Variants in ADCK1 observed in about 807,000 individuals in gnomAD.
ADCK1 encodes the protein aarF domain-containing protein kinase 1.
A neutral mutation model predicts 52.3 loss-of-function variants in ADCK1; 41 were observed. The observed-to-expected ratio is 0.78, with a 90% CI of 0.61 to 1.02. The LOEUF (loss-of-function observed/expected upper bound fraction) is 1.02, where lower values mean the gene tolerates loss of function less well. Among genes scored for constraint, ADCK1 ranks in the 50% least tolerant of loss-of-function variants. The pLI, the probability that ADCK1 is intolerant of heterozygous loss-of-function variation, is 0.00. For missense variants in ADCK1, 658 were observed against 679.5 expected, an observed-to-expected ratio of 0.97 and a Z score of 0.35; for synonymous variants, 250 against 274.6, an observed-to-expected ratio of 0.91 and a Z score of 0.89.
chr14:77,804,423 A>G (rs557345545), intron 1 of ADCK1, among the ~76,000 whole-genome samples: 2 of 152,236 alleles, frequency 1.3e-5, no homozygotes, highest in South Asian at 4.2e-4. Flanking sequence ...ATGTATTTCA[A>G]TTTCCATCTC....
intron 5 of ADCK1, among the ~76,000 whole-genome samples, chr14:77,893,603 A>G (rs1478640582): frequency 6.6e-6 from 1 of 151,936 alleles, no homozygotes; most frequent in African/African-American, 2.4e-5. Context: ...AATCTGATCT[A>G]TTGCTTGATG....
intron 3 of ADCK1, among the ~76,000 whole-genome samples, chr14:77,825,419 A>G (rs1224875261): frequency 3.3e-5 from 5 of 152,098 alleles, no homozygotes; most frequent in African/African-American, 1.2e-4. Context: ...GTCATTAGAG[A>G]TGGTTATGCC....
intron 3 of ADCK1, among the ~76,000 whole-genome samples, chr14:77,840,884 G>T (rs1289361246): frequency 7.2e-6 from 1 of 139,062 alleles, no homozygotes; most frequent in Admixed American, 7.2e-5. Flanking sequence ...GGGAGAGAAG[G>T]GAAGGGGAGA....
intron 2 of ADCK1, among the ~76,000 whole-genome samples, chr14:77,819,762 G>A (rs1201032570): frequency 6.6e-6 from 1 of 152,234 alleles, no homozygotes; most frequent in African/African-American, 2.4e-5. Flanking sequence ...TCCCATTGGT[G>A]GGTAGATGGC....
At chr14:77,851,713 C>G (rs1263382038) in intron 3 of ADCK1, among the ~76,000 whole-genome samples, 1 of 152,052 alleles carries the variant, frequency 6.6e-6, no homozygotes, top group African/African-American at 2.4e-5. Context: ...TATAGTACTT[C>G]AAAGAGTATA....
intron 3 of ADCK1, among the ~76,000 whole-genome samples, chr14:77,857,416 A>G (rs2082442239): frequency 6.6e-6 from 1 of 152,162 alleles, no homozygotes; most frequent in Non-Finnish European, 1.5e-5. Flanking sequence ...CCTGAGTACA[A>G]TACAGTTTTC....
At chr14:77,924,683 C>G in intron 8 of ADCK1, 77 bp downstream of exon 8, 1 of 1,567,474 alleles carries the variant, frequency 6.4e-7, no homozygotes, top group Non-Finnish European at 8.6e-7. Flanking sequence ...AGCTGCAGAA[C>G]CGGGAGGGAG....
chr14:77,855,351 T>C (rs2082395943), intron 3 of ADCK1, among the ~76,000 whole-genome samples: 1 of 152,262 alleles, frequency 6.6e-6, no homozygotes, highest in Non-Finnish European at 1.5e-5. Flanking sequence ...GTACTATTAT[T>C]ATCTTACTTT....
intron 4 of ADCK1, 31 bp downstream of exon 4, chr14:77,859,310 G>C: frequency 6.3e-7 from 1 of 1,596,124 alleles, no homozygotes; most frequent in Non-Finnish European, 8.6e-7. Flanking sequence ...GATGGGCCTT[G>C]GTTGGGATGC....
Position 77,925,910 on chromosome 14 carries a change from G to A in ADCK1, c.1155G>A (p.Ser385=), listed in dbSNP as rs374169166. Residue 385 remains serine (S), a synonymous_variant, in exon 9 of 11, where the codon TCG becomes TCA. Coordinates refer to ENST00000238561, the MANE Select transcript of ADCK1 (RefSeq NM_020421.4). ...PLFACMLTAR[S]WDSVNRGISQ... is the part of the protein sequence containing the mutation. Reference sequence around the variant, plus strand: ...TTGCCTGCATGCTGACGGCGCGATCGTGGGACTCGGTCAACAGAGGCATCA... The same window carrying A: ...TTGCCTGCATGCTGACGGCGCGATCATGGGACTCGGTCAACAGAGGCATCA... 1.1e-4 allele frequency: 176 copies of A among 1,614,078 alleles called. No homozygotes were observed. The highest frequency in any genetic ancestry group is 1.6e-4 in the Middle Eastern group (1 of 6,082).
At chr14:77,833,943 A>G (rs2081909293) in intron 3 of ADCK1, among the ~76,000 whole-genome samples, 1 of 152,202 alleles carries the variant, frequency 6.6e-6, no homozygotes, top group African/African-American at 2.4e-5. Flanking sequence ...AATGTGTAAT[A>G]TTTAAGACCT....
At position 77,889,117 on chromosome 14, in the gene ADCK1, C is replaced by T. The variant is rs553212282; in HGVS notation, c.582+1868C>T. On this transcript the variant is annotated intron_variant, in intron 5 of 10. Transcript: ENST00000238561. Reference sequence around the variant, plus strand: ...CATGTAAGATGTGCCTTTGCTTCTCCTTGGCCTTCTGCCATGATTGTGAGG... The same window carrying T: ...CATGTAAGATGTGCCTTTGCTTCTCTTTGGCCTTCTGCCATGATTGTGAGG... Among the ~76,000 whole-genome samples, 19 of 152,354 alleles carry T rather than the reference C, an allele frequency of 1.2e-4. 1 individual carries two copies. In the East Asian group the frequency reaches 3.7e-3, roughly 29 times the overall value.
intron 7 of ADCK1, among the ~76,000 whole-genome samples, chr14:77,909,413 G>A (rs1405515140): frequency 6.6e-6 from 1 of 152,156 alleles, no homozygotes; most frequent in Admixed American, 6.5e-5. Flanking sequence ...GGGATTACAG[G>A]CGTGAGCCAC....
intron 1 of ADCK1, among the ~76,000 whole-genome samples, chr14:77,807,099 C>G (rs1364241652): frequency 1.9e-5 from 2 of 106,390 alleles, no homozygotes; most frequent in Non-Finnish European, 3.4e-5. Flanking sequence ...GACGGAGTCT[C>G]GCTCTGTCGC....
intron 3 of ADCK1, among the ~76,000 whole-genome samples, chr14:77,844,072 C>CT (rs1216214818): frequency 1.2e-3 from 178 of 149,734 alleles, no homozygotes; most frequent in Non-Finnish European, 2.1e-3. Flanking sequence ...TTCTTTTTTT[C>CT]TTTTTTTTTT....
chr14:77,889,816 A>G (rs1027880283), intron 5 of ADCK1, among the ~76,000 whole-genome samples: 7 of 149,918 alleles, frequency 4.7e-5, no homozygotes, highest in African/African-American at 1.7e-4. Flanking sequence ...TTCAGCATGT[A>G]TGAGTAAAGA....
rs2082314936 is a variant in ADCK1, at chr14:77,852,667, A to ATATATATATTTATATATATATATATATAT, written c.220-6400_220-6399insTTATATATATATATATATATTATATATAT. On this transcript the variant is annotated intron_variant, in intron 3 of 10. Transcript: ENST00000238561. ...TATTTCTTTAAATAAATAAATATAT[A>ATATATATATTTATATATATATATATATAT]TATATATATATATATATATATATAT... Among the ~76,000 whole-genome samples, 11 of 6,234 alleles carry ATATATATATTTATATATATATATATATAT rather than the reference A, an allele frequency of 1.8e-3. No individual in the cohort carries two copies. In the South Asian group the frequency reaches 0.06, roughly 34 times the overall value. 4.1% of individuals were successfully genotyped at this position (6,234 alleles called of 152,430 possible).
intron 4 of ADCK1, among the ~76,000 whole-genome samples, chr14:77,864,128 G>GC (rs2082612524): frequency 1.3e-5 from 2 of 152,164 alleles, no homozygotes; most frequent in South Asian, 4.1e-4. Context: ...AGCGTATGCT[G>GC]CAGGTGCTCT....
intron 1 of ADCK1, among the ~76,000 whole-genome samples, chr14:77,818,522 T>A (rs1353384307): frequency 6.6e-6 from 1 of 152,178 alleles, no homozygotes; most frequent in Non-Finnish European, 1.5e-5. Flanking sequence ...ACTCGAGTGA[T>A]CTGCACACCT....
Sources: allele counts gnomAD v4.1 joint callset (sites outside exome capture counted in the v4.1 genomes callset), GRCh38; gene constraint gnomAD v4.1.1; transcripts MANE v1.5; gene names NCBI Gene and HGNC (gene_info 2026-07-23, HGNC 2026-07-21).